Variants in ATP2C1 observed in about 807,000 individuals in gnomAD.
ATP2C1 encodes the protein calcium-transporting ATPase type 2C member 1.
Under a neutral mutation model 120.5 loss-of-function variants are expected in ATP2C1, and 31 were observed. The ratio of observed to expected loss-of-function variants is 0.26; its 90% CI spans 0.19 to 0.35. ATP2C1 has a LOEUF of 0.35. Among genes scored for constraint, ATP2C1 ranks in the 10% least tolerant of loss-of-function variants. ATP2C1 has a pLI of 1.00. For missense variants in ATP2C1, 731 were observed against 1,107.5 expected (o/e 0.66, Z 4.83); for synonymous variants, 351 against 358.7 (o/e 0.98, Z 0.24).
At chr3:130,913,568 G>A (rs571393842) in intron 2 of ATP2C1, among the ~76,000 whole-genome samples, 74 of 152,204 alleles carry the variant, frequency 4.9e-4, no homozygotes, top group Middle Eastern at 3.4e-3. Flanking sequence ...TTAAATGATT[G>A]TTTTCTCCTT....
intron 20 of ATP2C1, among the ~76,000 whole-genome samples, chr3:130,988,906 A>C (rs2062156316): frequency 6.6e-6 from 1 of 152,138 alleles, no homozygotes; most frequent in African/African-American, 2.4e-5. Flanking sequence ...GGGTGTAACC[A>C]ATTGGAGGCC....
intron 21 of ATP2C1, 53 bp from the exon 22 acceptor site, chr3:130,993,879 G>A: frequency 6.3e-7 from 1 of 1,593,196 alleles, no homozygotes; most frequent in Non-Finnish European, 8.6e-7. Context: ...TTGTATGGAA[G>A]CAACATTTTT....
chr3:130,953,715 A>C, intron 8 of ATP2C1, 106 bp from the exon 9 acceptor site: 1 of 1,151,356 alleles, frequency 8.7e-7, no homozygotes, highest in Admixed American at 1.7e-5. Context: ...GATGTGGCTA[A>C]TCAATGGAAA....
intron 2 of ATP2C1, among the ~76,000 whole-genome samples, chr3:130,898,644 C>T (rs2069857190): frequency 6.6e-6 from 1 of 152,110 alleles, no homozygotes; most frequent in Non-Finnish European, 1.5e-5. Flanking sequence ...ATGCAATAAC[C>T]TTCTGACAGT....
At chr3:130,880,553 T>C (rs1227563107) in intron 1 of ATP2C1, among the ~76,000 whole-genome samples, 2 of 152,250 alleles carry the variant, frequency 1.3e-5, no homozygotes, top group African/African-American at 4.8e-5. Flanking sequence ...ACCTGATCTT[T>C]GATTGTAGCA....
intron 21 of ATP2C1, among the ~76,000 whole-genome samples, chr3:130,993,585 A>C (rs977935923): frequency 6.6e-6 from 1 of 152,194 alleles, no homozygotes; most frequent in Admixed American, 6.5e-5. Flanking sequence ...CCTTCCCACT[A>C]GGTGCCAGTA....
At chr3:130,945,482 T>A (rs2060106998) in intron 8 of ATP2C1, among the ~76,000 whole-genome samples, 1 of 25,572 alleles carries the variant, frequency 3.9e-5, no homozygotes, top group Non-Finnish European at 1.4e-4. Flanking sequence ...GTCATTTACA[T>A]TAGATAATAT....
intron 20 of ATP2C1, among the ~76,000 whole-genome samples, chr3:130,986,956 T>C (rs901561552): frequency 7.4e-5 from 11 of 149,642 alleles, no homozygotes; most frequent in Non-Finnish European, 1.2e-4. Context: ...AGTTTAGTTT[T>C]AGAGATGGTG....
At chr3:131,010,494 A>T (rs1223344866) in intron 26 of ATP2C1, among the ~76,000 whole-genome samples, 2 of 152,048 alleles carry the variant, frequency 1.3e-5, no homozygotes, top group Non-Finnish European at 2.9e-5. Context: ...ACGCCCGGCC[A>T]CCTTTTTCTA....
chr3:130,856,771 G>T (rs765542441), intron 1 of ATP2C1, among the ~76,000 whole-genome samples: 2 of 152,142 alleles, frequency 1.3e-5, no homozygotes, highest in Non-Finnish European at 1.5e-5. Context: ...TGCCCCCTGT[G>T]CTTGTGCTTG....
chr3:130,919,225 TC>T (rs147518152), intron 2 of ATP2C1: 20 of 172,358 alleles, frequency 1.2e-4, no homozygotes, highest in Admixed American at 3.9e-4. Flanking sequence ...TTTCTTTCTT[TC>T]TTTCTTTTTT....
intron 2 of ATP2C1, among the ~76,000 whole-genome samples, chr3:130,898,511 TG>T: frequency 6.6e-6 from 1 of 152,300 alleles, no homozygotes; most frequent in Middle Eastern, 3.4e-3. Context: ...TTTGCAGTTT[TG>T]TCCATAAAAT....
intron 20 of ATP2C1, among the ~76,000 whole-genome samples, chr3:130,986,259 T>TGGATTTTTTTAGTGGTATTG (rs2062008484): frequency 6.6e-6 from 1 of 151,934 alleles, no homozygotes; most frequent in Non-Finnish European, 1.5e-5. Flanking sequence ...AATCCCATAT[T>TGGATTTTTTTAGTGGTATTG]GGATTTTTTT....
intron 2 of ATP2C1, chr3:130,918,592 CT>C: frequency 1.4e-6 from 1 of 714,594 alleles, no homozygotes; most frequent in Admixed American, 1.8e-5. Context: ...AAACTGTAGC[CT>C]TTTGGCCCAT....
intron 1 of ATP2C1, among the ~76,000 whole-genome samples, chr3:130,887,834 G>C (rs780741304): frequency 4.6e-5 from 7 of 152,194 alleles, no homozygotes; most frequent in Non-Finnish European, 1.0e-4. Flanking sequence ...CTCTGACTGA[G>C]CTGGTATCTA....
chr3:130,976,223 A>T (rs1350690279), intron 18 of ATP2C1, among the ~76,000 whole-genome samples: 2 of 152,210 alleles, frequency 1.3e-5, no homozygotes, highest in Non-Finnish European at 1.5e-5. Context: ...TTATGTGAAA[A>T]ATGTTTTTAT....
At position 130,994,098 on chromosome 3, in the gene ATP2C1, T is replaced by G. The variant is rs756426043; in HGVS notation, c.2057T>G (p.Met686Arg). Residue 686 changes from methionine to arginine, a missense_variant and splice_region_variant, in exon 22 of 28, where the codon ATG (methionine) becomes AGG (arginine). Transcript: ENST00000510168. ...GTGGATGATGATTTTCAAACCATAA[T>G]GTAAGCTTTGTTTCAGTGAATGCCT... is the stretch of plus-strand genomic sequence containing the variant. ...ILVDDDFQTI[M>R]SAIEEGKGIY... The G allele has an allele frequency of 6.2e-7, 1 of 1,614,072 alleles. No individual in the cohort carries two copies. Among genetic ancestry groups the G allele is most frequent in the South Asian group, 1.1e-5 (1 of 91,074 alleles).
intron 26 of ATP2C1, among the ~76,000 whole-genome samples, chr3:131,009,858 C>T (rs1227966122): frequency 2.0e-5 from 3 of 152,228 alleles, no homozygotes; most frequent in East Asian, 1.9e-4. Flanking sequence ...TAAGACATTA[C>T]GAGATAAACA....
Position 130,959,360 on chromosome 3 carries a change from T to C in ATP2C1, c.899+19T>C. The C allele has an allele frequency of 6.5e-7, 1 of 1,545,522 alleles. No individual in the cohort carries two copies. The highest frequency in any genetic ancestry group is 8.9e-7 in the Non-Finnish European group (1 of 1,118,822). On this transcript the variant is annotated intron_variant, in intron 12 of 27. Transcript: ENST00000510168. ...GTGTAAGGTAAGTCTCAATACTTTA[T>C]AATTGGAGTCTCTTTTGCCTCTTTT...
Sources: allele counts gnomAD v4.1 joint callset (sites outside exome capture counted in the v4.1 genomes callset), GRCh38; gene constraint gnomAD v4.1.1; transcripts MANE v1.5; gene names NCBI Gene and HGNC (gene_info 2026-07-23, HGNC 2026-07-21).